Variants in DNAH10 observed in about 807,000 individuals in gnomAD.
DNAH10 encodes the protein axonemal beta dynein heavy chain 10.
A neutral mutation model predicts 506.6 loss-of-function variants in DNAH10; 348 were observed. The observed-to-expected ratio is 0.69, with a 90% CI of 0.63 to 0.75. The LOEUF (loss-of-function observed/expected upper bound fraction) is 0.75, where lower values mean the gene tolerates loss of function less well. Ranked by LOEUF, DNAH10 falls within the 30% of genes least tolerant of loss-of-function variation. The pLI is 0.00. For synonymous variants in DNAH10, 2,059 were observed against 2,198.6 expected, an observed-to-expected ratio of 0.94 and a Z score of 1.78; for missense variants, 5,179 against 5,787.1, an observed-to-expected ratio of 0.89 and a Z score of 3.41.
At chr12:123,849,709 A>C (rs574485420) in intron 34 of DNAH10, among the ~76,000 whole-genome samples, 18 of 152,294 alleles carry the variant, frequency 1.2e-4, no homozygotes, top group African/African-American at 3.1e-4. Flanking sequence ...CCTTCACTGG[A>C]AAACTCCTAT....
chr12:123,782,493 T>A (rs1208098622), intron 6 of DNAH10, among the ~76,000 whole-genome samples: 1 of 144,712 alleles, frequency 6.9e-6, no homozygotes, highest in Non-Finnish European at 1.5e-5. Flanking sequence ...CACTGCAGTC[T>A]CAACCTTCTG....
intron 24 of DNAH10, among the ~76,000 whole-genome samples, chr12:123,821,185 G>A (rs1054282514): frequency 6.6e-6 from 1 of 152,108 alleles, no homozygotes; most frequent in Non-Finnish European, 1.5e-5. Context: ...GGGAGGTGGA[G>A]GTTGCAGTGA....
chr12:123,903,567 T>C lies in DNAH10; in HGVS notation c.9815+454T>C, dbSNP rs576590027. Among the ~76,000 whole-genome samples, 7 of 152,094 alleles carry C rather than the reference T, an allele frequency of 4.6e-5. No homozygotes were observed. The highest frequency in any genetic ancestry group is 1.7e-4 in the African/African-American group (7 of 41,480). ...CAGCCAAGGAAGCTTTCAAGGAGGG[T>C]GAGAGTAGGTCACTATTGAGGCCCC... On this transcript the variant is annotated intron_variant, in intron 57 of 78. Transcript: ENST00000673944. This position sits in a 1 kb window ranked among gnomAD's most constrained non-coding sequence, Gnocchi z 4.6.
chr12:123,802,215 T>C lies in DNAH10; in HGVS notation c.2614+783T>C, dbSNP rs530798723. Among the ~76,000 whole-genome samples the C allele has an allele frequency of 2.0e-5, 3 of 152,354 alleles. No homozygotes were observed. In the East Asian group the frequency reaches 5.8e-4, roughly 29 times the overall value. On this transcript the variant is annotated intron_variant, in intron 16 of 78. Coordinates refer to ENST00000673944, the MANE Select transcript of DNAH10 (RefSeq NM_001372106.1). ...GCTATAAACATTTGTGTACAGGGTT[T>C]TGTGTGACAGGAGTCTTCACTTTTT...
Position 123,909,370 on chromosome 12 carries a change from C to G in DNAH10, c.9925C>G (p.Pro3309Ala), listed in dbSNP as rs201747286. The change falls in exon 58 of 79, where the codon CCG (proline) becomes GCG (alanine). Residue 3309 changes from proline (P) to alanine (A), a missense_variant. This residue lies in a region of DNAH10 where 4,844 missense variants were observed against 5,430.5 expected (regional missense o/e 0.89). Coordinates refer to ENST00000673944, the MANE Select transcript of DNAH10 (RefSeq NM_001372106.1). The surrounding 1 kb of genome is among the most constrained non-coding windows in gnomAD (Gnocchi z 5.4). ...WKTAKGVMSD[P>A]NFLRSLMEID... is the part of the protein sequence containing the mutation. ...AACAGCCAAGGGCGTGATGTCCGAC[C>G]CGAATTTCCTGCGGTCTCTGATGGA... The G allele has an allele frequency of 7.2e-4, 1,155 of 1,611,812 alleles. No homozygotes were observed. Among genetic ancestry groups the G allele is most frequent in the Non-Finnish European group, 8.7e-4 (1,020 of 1,179,068 alleles).
intron 56 of DNAH10, among the ~76,000 whole-genome samples, chr12:123,900,686 G>A (rs777641948): frequency 1.9e-4 from 29 of 152,200 alleles, no homozygotes; most frequent in African/African-American, 6.3e-4. Context: ...AAGTGGAAAC[G>A]CATTGATTCC....
chr12:123,820,893 AG>A, intron 24 of DNAH10, 135 bp downstream of exon 24: 2 of 1,009,632 alleles, frequency 2.0e-6, no homozygotes, highest in Non-Finnish European at 2.9e-6. Context: ...TTTTGGCCGC[AG>A]GGAAGGGGGA....
At chr12:123,859,454 A>G (rs1951531693) in intron 38 of DNAH10, among the ~76,000 whole-genome samples, 186 bp downstream of exon 38, 3 of 152,242 alleles carry the variant, frequency 2.0e-5, no homozygotes, top group African/African-American at 7.2e-5. Flanking sequence ...ATATTTTAGA[A>G]TGCAAAATAG....
intron 54 of DNAH10, among the ~76,000 whole-genome samples, chr12:123,897,120 T>C (rs1209416981): frequency 2.0e-5 from 3 of 152,234 alleles, no homozygotes; most frequent in Non-Finnish European, 2.9e-5. Flanking sequence ...CTTTGGTGTC[T>C]GGCGTCTTTC....
Position 123,918,653 on chromosome 12 carries a change from G to A in DNAH10, c.11233-23G>A, listed in dbSNP as rs754860582. 59 of 1,532,986 alleles carry A rather than the reference G, an allele frequency of 3.8e-5. No individual in the cohort carries two copies. The South Asian group carries it at 6.9e-4, about 18-fold the overall frequency. 95.0% of individuals were successfully genotyped at this position (1,532,986 alleles called of 1,614,324 possible). On this transcript the variant is annotated intron_variant, in intron 64 of 78. Coordinates refer to ENST00000673944, the MANE Select transcript of DNAH10 (RefSeq NM_001372106.1). ...CCACATCTCAGTCTTCCTGTTTCCA[G>A]GGTCACCTGTGCTTTTCTTCAGGTC...
chr12:123,898,374 G>A (rs937910741), intron 55 of DNAH10, among the ~76,000 whole-genome samples: 4 of 152,056 alleles, frequency 2.6e-5, no homozygotes, highest in Admixed American at 2.0e-4. Context: ...CATGCCTGGC[G>A]CACATTAGAG....
chr12:123,914,826 C>G, intron 61 of DNAH10, 26 bp from the exon 62 acceptor site: 3 of 1,609,472 alleles, frequency 1.9e-6, no homozygotes, highest in Non-Finnish European at 2.5e-6. Flanking sequence ...GAGAAAAATT[C>G]ATTTCCCAAT....
chr12:123,913,189 C>T lies in DNAH10; in HGVS notation c.10226C>T (p.Thr3409Ile), dbSNP rs369060729. The T allele has an allele frequency of 6.2e-6, 10 of 1,610,880 alleles. No homozygotes were observed. The Admixed American group carries it at 1.7e-4, about 27-fold the overall frequency. ...GCAGCAATTCAGAAAGAGCTGGAAACATTGGGTGCCAAATATGAGGCCGCC... is the reference window on the plus strand; with the variant it reads ...GCAGCAATTCAGAAAGAGCTGGAAATATTGGGTGCCAAATATGAGGCCGCC... ...ELAAIQKELE[T>I]LGAKYEAAIL... is the part of the protein sequence containing the mutation. Residue 3409 changes from threonine (T) to isoleucine (I), a missense_variant, in exon 60 of 79, where the codon ACA becomes ATA. Transcript: ENST00000673944. This position sits in a 1 kb window ranked among gnomAD's most constrained non-coding sequence, Gnocchi z 5.1.
rs1954524217 is a variant in DNAH10 at position 123,917,288 on chromosome 12, T to C, written c.11003-296T>C. Among the ~76,000 whole-genome samples the C allele has an allele frequency of 6.6e-6, 1 of 152,198 alleles. No individual in the cohort carries two copies. The highest frequency in any genetic ancestry group is 1.5e-5 in the Non-Finnish European group (1 of 68,028). On this transcript the variant is annotated intron_variant, in intron 63 of 78. Transcript: ENST00000673944. The surrounding 1 kb of genome is among the most constrained non-coding windows in gnomAD (Gnocchi z 5.6). ...TCCCAAAGTGCTGGGATTACAGGCATGAGCCACTGCGCCCAGTCTGGGTAT... is the reference window on the plus strand; with the variant it reads ...TCCCAAAGTGCTGGGATTACAGGCACGAGCCACTGCGCCCAGTCTGGGTAT...
intron 16 of DNAH10, among the ~76,000 whole-genome samples, chr12:123,801,678 T>C (rs1391638625): frequency 6.6e-6 from 1 of 152,182 alleles, no homozygotes; most frequent in Non-Finnish European, 1.5e-5. Flanking sequence ...AAATCACCTT[T>C]ACTTTTATTT....
At position 123,925,264 on chromosome 12, in the gene DNAH10, C is replaced by A; in HGVS notation, c.11921+60C>A. The A allele has an allele frequency of 1.2e-6, 2 of 1,605,196 alleles. No homozygotes were observed. The highest frequency in any genetic ancestry group is 2.2e-5 in the South Asian group (2 of 90,398). ...GTGGGGTGGAATCTCTAGCGTCCTC[C>A]CACCTTGGACTCAAAGAAAGCAGAG... On this transcript the variant is annotated intron_variant, in intron 68 of 78. Transcript: ENST00000673944. The surrounding 1 kb of genome is among the most constrained non-coding windows in gnomAD (Gnocchi z 4.0).
intron 21 of DNAH10, among the ~76,000 whole-genome samples, chr12:123,815,759 A>G (rs1959122882): frequency 6.6e-6 from 1 of 152,236 alleles, no homozygotes; most frequent in Non-Finnish European, 1.5e-5. Context: ...TGCAAACATC[A>G]TGGAATGTAC....
At chr12:123,802,942 G>GT (rs1408226710) in intron 16 of DNAH10, among the ~76,000 whole-genome samples, 2 of 151,928 alleles carry the variant, frequency 1.3e-5, no homozygotes, top group Admixed American at 1.3e-4. Context: ...TTACTGTTGA[G>GT]TTTTGAGCAT....
At chr12:123,914,616 C>T in intron 61 of DNAH10, 66 bp downstream of exon 61, 2 of 1,521,130 alleles carry the variant, frequency 1.3e-6, no homozygotes, top group South Asian at 2.5e-5. Context: ...ACGTGGGTGT[C>T]ACCCTGGGGG....
Sources: gnomAD v4.1 joint callset for allele counts (sites outside exome capture counted in the v4.1 genomes callset) on GRCh38, gnomAD v4.1.1 for gene constraint, gnomAD v4.1.1 regional missense constraint, Gnocchi (gnomAD v3.1) non-coding constraint, MANE v1.5 for transcripts, NCBI Gene and HGNC (gene_info 2026-07-23, HGNC 2026-07-21) for gene names.